The following TENM2 variants were observed in gnomAD, a reference collection of about 807,000 sequenced individuals.
TENM2 encodes teneurin transmembrane protein 2, also known as teneurin-2.
TENM2 carries 52 observed loss-of-function variants against 245.2 expected under a neutral mutation model. The ratio of observed to expected loss-of-function variants is 0.21; its 90% CI spans 0.17 to 0.27. The LOEUF (loss-of-function observed/expected upper bound fraction) is 0.27, where lower values mean the gene tolerates loss of function less well. Ranked by LOEUF, TENM2 falls within the 10% of genes least tolerant of loss-of-function variation. TENM2 has a pLI of 1.00. For synonymous variants in TENM2, 1,363 were observed against 1,438.9 expected (o/e 0.95, Z 1.19); for missense variants, 3,046 against 3,666.8 (o/e 0.83, Z 4.37).
chr5:167,042,801 C>T, the TENM2 span, among the ~76,000 whole-genome samples: 14 of 152,276 alleles, frequency 9.2e-5, no homozygotes, highest in South Asian at 8.3e-4. Flanking sequence ...ATTTTTCTTT[C>T]GGTAGGTCAA....
At chr5:168,094,197 G>C (rs1180533216) in intron 8 of TENM2, among the ~76,000 whole-genome samples, 1 of 152,096 alleles carries the variant, frequency 6.6e-6, no homozygotes, top group East Asian at 1.9e-4. Context: ...CCCAGATTGA[G>C]GAAAGTGAGG....
the TENM2 span, among the ~76,000 whole-genome samples, chr5:167,150,147 C>G: frequency 4.6e-5 from 7 of 152,256 alleles, no homozygotes; most frequent in South Asian, 1.5e-3. Context: ...GAGTCTTGAT[C>G]TGTATAAAAG....
At chr5:167,144,251 A>T in the TENM2 span, among the ~76,000 whole-genome samples, 1 of 152,148 alleles carries the variant, frequency 6.6e-6, no homozygotes, top group Non-Finnish European at 1.5e-5. Context: ...TTTACACTTC[A>T]GCTGCATGGG....
At chr5:167,984,537 C>A (rs1225870668) in intron 4 of TENM2, among the ~76,000 whole-genome samples, 3 of 152,020 alleles carry the variant, frequency 2.0e-5, no homozygotes, top group African/African-American at 7.2e-5. Flanking sequence ...ATGCTTGTAA[C>A]CCCAGCTACT....
chr5:167,741,369 G>T (rs1179150015), intron 2 of TENM2, among the ~76,000 whole-genome samples: 1 of 152,166 alleles, frequency 6.6e-6, no homozygotes, highest in African/African-American at 2.4e-5. Flanking sequence ...AGTTAGAGAG[G>T]AAAAATAAGA....
At chr5:167,506,722 T>C (rs1562010780) in intron 2 of TENM2, among the ~76,000 whole-genome samples, 1 of 152,174 alleles carries the variant, frequency 6.6e-6, no homozygotes, top group Admixed American at 6.5e-5. Context: ...AAACTCTCAG[T>C]TTAACAGTTT....
At chr5:167,728,020 G>A (rs149443962) in intron 2 of TENM2, among the ~76,000 whole-genome samples, 160 of 152,236 alleles carry the variant, frequency 1.1e-3, no homozygotes, top group African/African-American at 3.8e-3. Flanking sequence ...TCAACAATCT[G>A]GCCCCAAGTA....
the TENM2 span, among the ~76,000 whole-genome samples, chr5:167,044,436 G>A: frequency 6.6e-6 from 1 of 152,140 alleles, no homozygotes; most frequent in Non-Finnish European, 1.5e-5. Context: ...CATCTATGTG[G>A]TCATTGTGTC....
intron 2 of TENM2, among the ~76,000 whole-genome samples, chr5:167,860,205 G>A (rs1184465427): frequency 2.5e-3 from 228 of 92,304 alleles, no homozygotes; most frequent in South Asian, 3.8e-3. Flanking sequence ...TCAGCCCCCC[G>A]CCCGGCCAGC....
chr5:167,310,063 G>A (rs925530697), intron 1 of TENM2, among the ~76,000 whole-genome samples: 16 of 151,898 alleles, frequency 1.1e-4, no homozygotes, highest in Admixed American at 6.6e-5. Context: ...ACTAAAGCGC[G>A]TATCTGTGAA....
At chr5:167,335,433 A>G (rs1757698895) in intron 1 of TENM2, among the ~76,000 whole-genome samples, 8 of 152,192 alleles carry the variant, frequency 5.3e-5, no homozygotes, top group Admixed American at 5.2e-4. Context: ...ACAGATCCAA[A>G]TATCAGTTGG....
At chr5:168,007,089 A>C (rs1784878525) in intron 5 of TENM2, among the ~76,000 whole-genome samples, 1 of 151,606 alleles carries the variant, frequency 6.6e-6, no homozygotes, top group Non-Finnish European at 1.5e-5. Flanking sequence ...CAACTCAGGA[A>C]CTCACAAATC....
chr5:167,202,358 C>A, the TENM2 span, among the ~76,000 whole-genome samples: 1 of 152,028 alleles, frequency 6.6e-6, no homozygotes, highest in Admixed American at 6.6e-5. Flanking sequence ...AGACACACCC[C>A]GCTTGCATTC....
intron 13 of TENM2, among the ~76,000 whole-genome samples, chr5:168,185,469 A>T (rs1394010654): frequency 2.0e-5 from 3 of 152,106 alleles, no homozygotes; most frequent in Non-Finnish European, 4.4e-5. Context: ...ATCATCATCA[A>T]CATCATCATC....
chr5:167,571,627 AT>A (rs746278978), intron 2 of TENM2, among the ~76,000 whole-genome samples: 8 of 152,144 alleles, frequency 5.3e-5, no homozygotes, highest in Non-Finnish European at 5.9e-5. Context: ...ACTGATAGCC[AT>A]TTGTAGCTTT....
intron 13 of TENM2, among the ~76,000 whole-genome samples, chr5:168,169,420 C>T (rs1233709393): frequency 6.6e-6 from 1 of 152,194 alleles, no homozygotes; most frequent in African/African-American, 2.4e-5. Flanking sequence ...GGATCCTGGC[C>T]TGAGCTCTGG....
chr5:167,714,962 C>A (rs1305128805), intron 2 of TENM2, among the ~76,000 whole-genome samples: 1 of 152,062 alleles, frequency 6.6e-6, no homozygotes, highest in African/African-American at 2.4e-5. Flanking sequence ...CTACCCATTT[C>A]TTTTTTTCTT....
At chr5:167,863,591 C>T (rs1018727228) in intron 2 of TENM2, among the ~76,000 whole-genome samples, 10 of 152,096 alleles carry the variant, frequency 6.6e-5, no homozygotes, top group Non-Finnish European at 1.3e-4. Context: ...TTGCAGTGAG[C>T]TGAGATTGTG....
chr5:167,497,173 G>A (rs1342704363), intron 2 of TENM2, among the ~76,000 whole-genome samples: 3 of 151,988 alleles, frequency 2.0e-5, no homozygotes, highest in Non-Finnish European at 4.4e-5. Context: ...AAGAAGATGC[G>A]TGAATTGCAA....
Sources: gnomAD v4.1 joint callset for allele counts (sites outside exome capture counted in the v4.1 genomes callset) on GRCh38, gnomAD v4.1.1 for gene constraint, MANE v1.5 for transcripts, NCBI Gene and HGNC (gene_info 2026-07-23, HGNC 2026-07-21) for gene names.